The following IL7 variants were observed in gnomAD, a reference collection of about 807,000 sequenced individuals.
The protein encoded by IL7 is interleukin-7.
Under a neutral mutation model 21.6 loss-of-function variants are expected in IL7, and 3 were observed. The observed-to-expected ratio is 0.14, with a 90% CI of 0.06 to 0.36. The LOEUF is 0.36. IL7 is among the 10% of genes least tolerant of loss of function. The pLI is 1.00. For missense variants in IL7, 175 were observed against 200.2 expected, an observed-to-expected ratio of 0.87 and a Z score of 0.76; for synonymous variants, 62 against 68.1, an observed-to-expected ratio of 0.91 and a Z score of 0.44.
chr8:78,737,530 A>G (rs1037949829), intron 4 of IL7, among the ~76,000 whole-genome samples: 1 of 152,132 alleles, frequency 6.6e-6, no homozygotes, highest in Non-Finnish European at 1.5e-5. Context: ...AAGTTTGGCA[A>G]ATCCAGCACA....
chr8:78,718,930 A>G (rs1481381365), intron 6 of IL7: 1 of 151,678 alleles, frequency 6.6e-6, no homozygotes, highest in African/African-American at 2.4e-5. Context: ...ATTGTGGCTT[A>G]TAATTTATCT....
intron 3 of IL7, among the ~76,000 whole-genome samples, chr8:78,687,962 T>TTATATATAAA (rs1810078470): frequency 6.9e-6 from 1 of 144,458 alleles, no homozygotes; most frequent in African/African-American, 2.5e-5. Flanking sequence ...ATATCTATAT[T>TTATATATAAA]TATATATAAA....
chr8:78,714,347 G>A (rs985135011), downstream of IL7, among the ~76,000 whole-genome samples: 2 of 152,134 alleles, frequency 1.3e-5, no homozygotes, highest in African/African-American at 2.4e-5. Context: ...AATTGTACTT[G>A]ACATGGAGTA....
intron 2 of IL7, among the ~76,000 whole-genome samples, chr8:78,767,685 T>G (rs1239315816): frequency 1.3e-5 from 2 of 152,124 alleles, no homozygotes; most frequent in Non-Finnish European, 2.9e-5. Context: ...CACCAAATAC[T>G]GCAGCATTTA....
chr8:78,738,179 A>T (rs1032248217), intron 4 of IL7, among the ~76,000 whole-genome samples: 8 of 152,196 alleles, frequency 5.3e-5, no homozygotes, highest in Non-Finnish European at 1.0e-4. Context: ...TATGGATTAA[A>T]GCTATTAATA....
chr8:78,752,353 T>G (rs899765178), intron 2 of IL7, among the ~76,000 whole-genome samples: 1 of 152,224 alleles, frequency 6.6e-6, no homozygotes, highest in African/African-American at 2.4e-5. Context: ...AACTTCATAC[T>G]GTTTTCAATA....
chr8:78,747,758 T>C (rs868425170), intron 2 of IL7, among the ~76,000 whole-genome samples: 15 of 152,228 alleles, frequency 9.9e-5, no homozygotes, highest in African/African-American at 3.6e-4. Context: ...AAATCATACG[T>C]GGCTCCTTCC....
At chr8:78,743,279 AGTATATCT>A (rs1811861333) in intron 2 of IL7, among the ~76,000 whole-genome samples, 1 of 152,170 alleles carries the variant, frequency 6.6e-6, no homozygotes, top group African/African-American at 2.4e-5. Flanking sequence ...TGGGTTGAAT[AGTATATCT>A]GTCTTTAGGT....
intron 5 of IL7, among the ~76,000 whole-genome samples, chr8:78,720,300 ATGTG>A (rs1421390808): frequency 6.6e-6 from 1 of 151,820 alleles, no homozygotes; most frequent in African/African-American, 2.4e-5. Context: ...TTTTCATTGA[ATGTG>A]TATGTATTTT....
At chr8:78,712,132 T>G in intron 3 of IL7, 1 of 1,241,828 alleles carries the variant, frequency 8.1e-7, no homozygotes, top group Non-Finnish European at 1.1e-6. Context: ...TCAGTTTGGT[T>G]AATATTTTTC....
At chr8:78,703,457 C>T (rs1810671335) in intron 3 of IL7, among the ~76,000 whole-genome samples, 1 of 151,810 alleles carries the variant, frequency 6.6e-6, no homozygotes, top group South Asian at 2.1e-4. Flanking sequence ...TCTGAGTGCT[C>T]CTGTGTTGGG....
chr8:78,769,188 A>G (rs1020223643), intron 2 of IL7, among the ~76,000 whole-genome samples: 2 of 151,558 alleles, frequency 1.3e-5, no homozygotes, highest in African/African-American at 2.4e-5. Flanking sequence ...GGCCAGGGCA[A>G]TTAGGCAGGA....
chr8:78,679,453 G>T (rs896696735), intron 4 of IL7: 1 of 152,070 alleles, frequency 6.6e-6, no homozygotes, highest in Non-Finnish European at 1.5e-5. Flanking sequence ...AATAGTTGTT[G>T]AATTGTGTCT....
At chr8:78,714,147 A>G (rs1273370364), downstream of IL7, among the ~76,000 whole-genome samples, 18 of 152,148 alleles carry the variant, frequency 1.2e-4, no homozygotes, top group Admixed American at 1.2e-3. Flanking sequence ...TTAAAGCTCT[A>G]TAGAGAGGGA....
rs1200665555 is a variant in IL7 at position 78,805,128 on chromosome 8, G to A, written c.-206C>T. The stretch of plus-strand genomic sequence containing the variant: ...AGGGGGGCGGCACACACTACGGCGT[G>A]GCTCTGCGCTTTGCCTTTTCCATAA... On this transcript the variant is annotated 5_prime_UTR_variant, in exon 1 of 6. Coordinates refer to ENST00000263851, the MANE Select transcript of IL7 (RefSeq NM_000880.4). 1 of 534,248 alleles carries A rather than the reference G, an allele frequency of 1.9e-6. No homozygotes were observed. Among genetic ancestry groups the A allele is most frequent in the Non-Finnish European group, 3.4e-6 (1 of 294,548 alleles). The allele number at this position is 534,248 out of a possible 1,614,324, so 33.1% of individuals were successfully genotyped here.
At chr8:78,697,607 T>C (rs1355053661) in intron 3 of IL7, 1 of 829,072 alleles carries the variant, frequency 1.2e-6, no homozygotes, top group Non-Finnish European at 1.9e-6. Flanking sequence ...GATAGATTTA[T>C]AATTAAGAAG....
chr8:78,773,560 G>A (rs1198945651), intron 2 of IL7, among the ~76,000 whole-genome samples: 3 of 152,102 alleles, frequency 2.0e-5, no homozygotes, highest in Admixed American at 6.6e-5. Flanking sequence ...TTTGGTTGTG[G>A]TGCTGGGCGT....
chr8:78,678,882 T>G (rs1047599264), intron 4 of IL7: 5 of 324,864 alleles, frequency 1.5e-5, no homozygotes, highest in East Asian at 5.1e-5. Flanking sequence ...AAAATAAGCT[T>G]CTAAACTTCA....
intron 2 of IL7, chr8:78,760,693 T>C (rs1812523316): frequency 1.3e-6 from 2 of 1,585,490 alleles, no homozygotes; most frequent in Non-Finnish European, 1.7e-6. Flanking sequence ...TTGGGACACT[T>C]AGGGTTTCTT....
Sources: allele counts gnomAD v4.1 joint callset (sites outside exome capture counted in the v4.1 genomes callset), GRCh38; gene constraint gnomAD v4.1.1; transcripts MANE v1.5; gene names NCBI Gene and HGNC (gene_info 2026-07-23, HGNC 2026-07-21).